RIMBP2: variants seen among roughly 807,000 people sequenced by gnomAD.
RIMBP2 encodes RIMS-binding protein 2.
RIMBP2 carries 48 observed loss-of-function variants against 118.6 expected under a neutral mutation model. The observed-to-expected ratio is 0.40, with a 90% confidence interval of 0.32 to 0.51. The LOEUF (loss-of-function observed/expected upper bound fraction) is 0.51. Among genes scored for constraint, RIMBP2 ranks in the 20% least tolerant of loss-of-function variants. RIMBP2 has a pLI of 0.41. For missense variants in RIMBP2, 1,551 were observed against 1,768.3 expected (o/e 0.88, Z 2.20); for synonymous variants, 762 against 742.9 (o/e 1.03, Z -0.42).
intron 2 of RIMBP2, among the ~76,000 whole-genome samples, chr12:130,564,523 G>A (rs2057072898): frequency 6.6e-6 from 1 of 152,188 alleles, no homozygotes; most frequent in Admixed American, 6.5e-5. Context: ...CCATCAGGGA[G>A]ATGCAAAGGA....
chr12:130,548,924 C>A (rs577936489), intron 2 of RIMBP2, among the ~76,000 whole-genome samples: 1 of 152,180 alleles, frequency 6.6e-6, no homozygotes, highest in Admixed American at 6.5e-5. Flanking sequence ...TGAGACCCTT[C>A]TTGAGATGAC....
intron 6 of RIMBP2, among the ~76,000 whole-genome samples, chr12:130,459,810 G>A (rs1425096415): frequency 6.6e-6 from 1 of 152,162 alleles, no homozygotes; most frequent in Non-Finnish European, 1.5e-5. Flanking sequence ...GGTGAGCCGA[G>A]CAGCAGCTGC....
rs151150103 is a variant in RIMBP2 at position 130,527,748 on chromosome 12, G to GAAA, written c.-216-9834_-216-9832dup. 3.9e-4 allele frequency among the ~76,000 whole-genome samples: 51 copies of GAAA among 131,412 alleles called. 1 individual carries two copies. Among genetic ancestry groups the GAAA allele is most frequent in the South Asian group, 2.9e-3 (12 of 4,152 alleles). The allele number at this position is 131,412 out of a possible 152,430, so 86.2% of individuals were successfully genotyped here. A position where few individuals can be genotyped will look rare whatever the true frequency, so the allele number is the denominator to read the frequency against. On this transcript the variant is annotated intron_variant, in intron 2 of 22. Transcript: ENST00000690449. ...AAGGAACTTAAACAGACTTACAAGA[G>GAAA]AAAAAAAAAAAAACATTAAAAAGTG...
chr12:130,665,667 G>T (rs2063887281), intron 1 of RIMBP2, among the ~76,000 whole-genome samples: 1 of 148,372 alleles, frequency 6.7e-6, no homozygotes, highest in Non-Finnish European at 1.5e-5. Flanking sequence ...AGAAAGACAA[G>T]GAAACATTAC....
chr12:130,507,034 C>A (rs377323120), intron 3 of RIMBP2, among the ~76,000 whole-genome samples: 1 of 152,158 alleles, frequency 6.6e-6, no homozygotes, highest in Non-Finnish European at 1.5e-5. Flanking sequence ...AAATGTGTCA[C>A]AGGTCTGGCC....
At chr12:130,483,390 A>G (rs1002641822) in intron 4 of RIMBP2, among the ~76,000 whole-genome samples, 1 of 152,264 alleles carries the variant, frequency 6.6e-6, no homozygotes, top group Non-Finnish European at 1.5e-5. Context: ...TGCAGCCACA[A>G]AAATTGTAAA....
At chr12:130,707,997 T>G (rs2136849677) in intron 1 of RIMBP2, among the ~76,000 whole-genome samples, 1 of 152,210 alleles carries the variant, frequency 6.6e-6, no homozygotes, top group Middle Eastern at 3.4e-3. Flanking sequence ...TTTTAGAAAG[T>G]ACTGATGCCT....
rs542765735 is a variant in RIMBP2, at chr12:130,461,319, C to T, written c.154-4619G>A. 9.5e-4 allele frequency among the ~76,000 whole-genome samples: 144 copies of T among 152,286 alleles called. 1 individual carries two copies. The highest frequency in any genetic ancestry group is 3.1e-3 in the African/African-American group (129 of 41,548). ...ATCACCGTGTGGACACAGTCCTGCA[C>T]GCAGACTGGCAGGGGTGCCAGCAGG... On this transcript the variant is annotated intron_variant, in intron 6 of 22. Transcript: ENST00000690449.
In RIMBP2 at chr12:130,451,325, A is replaced by G. The variant is rs2078993332; in HGVS notation, c.374T>C (p.Ile125Thr). 1 of 1,613,140 alleles carries G rather than the reference A, an allele frequency of 6.2e-7. No homozygotes were observed. Among genetic ancestry groups the G allele is most frequent in the Non-Finnish European group, 8.5e-7 (1 of 1,179,166 alleles). ...TSLGKGQESAIGGSSAIGEYI... is the reference protein window; with the variant it reads ...TSLGKGQESATGGSSAIGEYI... ...TTCACCGATCGCAGAGCTGCCTCCAATAGCGCTCTCCTGACCTGGCCACGA... is the reference window on the plus strand; with the variant it reads ...TTCACCGATCGCAGAGCTGCCTCCAGTAGCGCTCTCCTGACCTGGCCACGA... The change falls in exon 8 of 23, where the codon ATT becomes ACT. Residue 125 changes from isoleucine (I) to threonine (T), a missense_variant. This residue lies in a region of RIMBP2 where 239 missense variants were observed against 256.8 expected (regional missense o/e 0.93). Coordinates refer to ENST00000690449, the MANE Select transcript of RIMBP2 (RefSeq NM_001393629.1).
intron 2 of RIMBP2, among the ~76,000 whole-genome samples, chr12:130,614,655 CA>C (rs933226264): frequency 2.0e-5 from 3 of 151,722 alleles, no homozygotes; most frequent in African/African-American, 4.8e-5. Flanking sequence ...AGTGACGGGG[CA>C]AAGAAAAAAG....
intron 1 of RIMBP2, among the ~76,000 whole-genome samples, chr12:130,659,422 T>A (rs1033689247): frequency 9.9e-5 from 15 of 150,822 alleles, no homozygotes; most frequent in African/African-American, 3.7e-4. Context: ...ATACAAAAAA[T>A]TAGCCAGGCG....
rs533182546 is a variant in RIMBP2, at chr12:130,570,200, G to A, written c.-216-52283C>T. Among the ~76,000 whole-genome samples the A allele has an allele frequency of 1.4e-4, 21 of 152,244 alleles. No homozygotes were observed. In the South Asian group the frequency reaches 4.4e-3, roughly 32 times the overall value. On this transcript the variant is annotated intron_variant, in intron 2 of 22. Transcript: ENST00000690449. ...GCACTTTAGGATGCCAAGGCAGGAG[G>A]ATGACTTGAGCCTAGGAGTTTGAGA... is the stretch of plus-strand genomic sequence containing the variant.
chr12:130,541,724 A>G (rs2054622416), intron 2 of RIMBP2, among the ~76,000 whole-genome samples: 1 of 152,270 alleles, frequency 6.6e-6, no homozygotes, highest in South Asian at 2.1e-4. Flanking sequence ...TATCAGGAGC[A>G]ACAGCTGAAC....
At position 130,533,016 on chromosome 12, in the gene RIMBP2, C is replaced by T. The variant is rs145434575; in HGVS notation, c.-216-15099G>A. ...GCGTATGTTTAGCCTCTAGGATGGA[C>T]GTCTAATGAGATGCGTGTGTGTAGC... is the stretch of plus-strand genomic sequence containing the variant. On this transcript the variant is annotated intron_variant, in intron 2 of 22. Transcript: ENST00000690449. Among the ~76,000 whole-genome samples, 306 of 131,938 alleles carry T rather than the reference C, an allele frequency of 2.3e-3. 2 individuals are homozygous for T. Among genetic ancestry groups the T allele is most frequent in the Middle Eastern group, 8.2e-3 (2 of 244 alleles). 86.6% of individuals were successfully genotyped at this position (131,938 alleles called of 152,430 possible). A position where few individuals can be genotyped will look rare whatever the true frequency, so the allele number is the denominator to read the frequency against.
chr12:130,656,285 A>C (rs750088464), intron 1 of RIMBP2, among the ~76,000 whole-genome samples: 2 of 152,118 alleles, frequency 1.3e-5, no homozygotes, highest in Non-Finnish European at 2.9e-5. Flanking sequence ...AAGGGAGGGA[A>C]GAGGAGGACG....
rs1008876302 is a variant in RIMBP2, at chr12:130,649,264, G to A, written c.-351-20808C>T. ...GGCGCTGGAATGTGGGGCTTGCTGC[G>A]ACGTACGTTTCTCTCCTCCTCAGCG... On this transcript the variant is annotated intron_variant, in intron 1 of 22. Transcript: ENST00000690449. Among the ~76,000 whole-genome samples, 8 of 110,426 alleles carry A rather than the reference G, an allele frequency of 7.2e-5. 1 individual carries two copies. Among genetic ancestry groups the A allele is most frequent in the Admixed American group, 2.7e-4 (3 of 10,920 alleles). 72.4% of individuals were successfully genotyped at this position (110,426 alleles called of 152,430 possible).
intron 4 of RIMBP2, among the ~76,000 whole-genome samples, chr12:130,485,674 G>C (rs1341860144): frequency 2.0e-5 from 3 of 152,218 alleles, no homozygotes; most frequent in South Asian, 2.1e-4. Context: ...GTTAGCGAGA[G>C]GAGGGTGCCA....
At chr12:130,628,523 C>G (rs1237154607) in intron 1 of RIMBP2, 67 bp from the exon 2 acceptor site, 2 of 152,218 alleles carry the variant, frequency 1.3e-5, no homozygotes, top group African/African-American at 4.8e-5. Flanking sequence ...TTGTCTGCCT[C>G]CTTCACCTTC....
intron 2 of RIMBP2, among the ~76,000 whole-genome samples, chr12:130,566,820 A>G (rs959022952): frequency 1.3e-5 from 2 of 152,230 alleles, no homozygotes; most frequent in Admixed American, 6.5e-5. Flanking sequence ...GTTACACAGC[A>G]CTTGATAACT....
Sources: gnomAD v4.1 joint callset for allele counts (sites outside exome capture counted in the v4.1 genomes callset) on GRCh38, gnomAD v4.1.1 for gene constraint, gnomAD v4.1.1 regional missense constraint, MANE v1.5 for transcripts, NCBI Gene and HGNC (gene_info 2026-07-23, HGNC 2026-07-21) for gene names.